DYM: variants seen among roughly 807,000 people sequenced by gnomAD.
DYM encodes the protein dymeclin.
DYM carries 78 observed loss-of-function variants against 93.1 expected under a neutral mutation model. That is an observed-to-expected ratio of 0.84 (90% CI 0.70 to 1.01). The LOEUF (loss-of-function observed/expected upper bound fraction) is 1.01, where lower values mean the gene tolerates loss of function less well. Among genes scored for constraint, DYM ranks in the 50% least tolerant of loss-of-function variants. DYM has a pLI of 0.00. For synonymous variants in DYM, 321 were observed against 319.7 expected, an observed-to-expected ratio of 1.00 and a Z score of -0.04; for missense variants, 789 against 845.0, an observed-to-expected ratio of 0.93 and a Z score of 0.82.
At chr18:49,136,871 T>C (rs1257516187) in intron 15 of DYM, among the ~76,000 whole-genome samples, 2 of 152,252 alleles carry the variant, frequency 1.3e-5, no homozygotes, top group East Asian at 3.9e-4. Context: ...AATCCACTCA[T>C]AATGGTTTGG....
At chr18:49,074,948 C>A (rs1271130710) in intron 17 of DYM, among the ~76,000 whole-genome samples, 1 of 152,118 alleles carries the variant, frequency 6.6e-6, no homozygotes, top group Non-Finnish European at 1.5e-5. Context: ...AATGTTGAGA[C>A]TACTATGGAA....
intron 1 of DYM, among the ~76,000 whole-genome samples, chr18:49,446,268 A>AAGAG (rs538869231): frequency 6.6e-6 from 1 of 151,744 alleles, no homozygotes; most frequent in Non-Finnish European, 1.5e-5. Context: ...CCAAAAGAAA[A>AAGAG]AGAGAGAGAG....
At chr18:49,130,436 G>A (rs548682218) in intron 15 of DYM, among the ~76,000 whole-genome samples, 3 of 152,264 alleles carry the variant, frequency 2.0e-5, no homozygotes, top group Admixed American at 6.5e-5. Flanking sequence ...CACAATGTCC[G>A]GCATTCAGTA....
chr18:49,220,837 A>C (rs1177361234), intron 13 of DYM, among the ~76,000 whole-genome samples: 2 of 152,242 alleles, frequency 1.3e-5, no homozygotes, highest in African/African-American at 4.8e-5. Flanking sequence ...TTCAGGACAT[A>C]GGCATGGGCA....
At chr18:49,406,593 T>C (rs544414165) in intron 2 of DYM, among the ~76,000 whole-genome samples, 146 of 152,260 alleles carry the variant, frequency 9.6e-4, no homozygotes, top group African/African-American at 3.4e-3. Flanking sequence ...AGAAAGTGGC[T>C]ATTACTTTTT....
chr18:49,275,644 A>C (rs754489975), intron 10 of DYM, among the ~76,000 whole-genome samples: 5 of 152,106 alleles, frequency 3.3e-5, no homozygotes, highest in African/African-American at 1.2e-4. Flanking sequence ...TAGGAGGCCA[A>C]TGTGGGAGGA....
chr18:49,203,509 G>C (rs942076481), intron 14 of DYM, among the ~76,000 whole-genome samples: 22 of 148,020 alleles, frequency 1.5e-4, no homozygotes, highest in Non-Finnish European at 2.8e-4. Context: ...TCTGCACTAA[G>C]AAAAATTCCT....
intron 11 of DYM, among the ~76,000 whole-genome samples, chr18:49,269,422 T>C (rs942655007): frequency 5.3e-5 from 8 of 152,092 alleles, no homozygotes; most frequent in African/African-American, 1.4e-4. Context: ...AAATTAAAAA[T>C]AGAACTAGTG....
intron 15 of DYM, among the ~76,000 whole-genome samples, chr18:49,127,649 C>T (rs148952536): frequency 6.6e-6 from 1 of 152,218 alleles, no homozygotes; most frequent in Non-Finnish European, 1.5e-5. Flanking sequence ...AAAGTTAATG[C>T]GCCAATGGCC....
intron 15 of DYM, among the ~76,000 whole-genome samples, chr18:49,138,634 C>T (rs1402541592): frequency 3.9e-5 from 6 of 152,240 alleles, no homozygotes; most frequent in South Asian, 2.1e-4. Context: ...CAGTTATACA[C>T]CACAATATTC....
At chr18:49,349,405 C>G (rs998064429) in intron 6 of DYM, among the ~76,000 whole-genome samples, 1 of 151,950 alleles carries the variant, frequency 6.6e-6, no homozygotes, top group African/African-American at 2.4e-5. Flanking sequence ...GATAGACTGA[C>G]AGATTGAAAA....
chr18:49,189,672 G>A (rs1005228529), intron 14 of DYM, among the ~76,000 whole-genome samples: 36 of 152,090 alleles, frequency 2.4e-4, no homozygotes, highest in African/African-American at 8.0e-4. Flanking sequence ...CAGCTCAAAT[G>A]GATCATCTTT....
At chr18:49,197,481 T>C (rs1368941770) in intron 14 of DYM, among the ~76,000 whole-genome samples, 1 of 152,000 alleles carries the variant, frequency 6.6e-6, no homozygotes, top group Non-Finnish European at 1.5e-5. Context: ...AAATGTGCCT[T>C]CTACTCTCCC....
In DYM at chr18:49,409,300, GA is replaced by G. The variant is rs1164540336; in HGVS notation, c.141-17656del. On this transcript the variant is annotated intron_variant, in intron 2 of 17. Coordinates refer to ENST00000675505, the MANE Select transcript of DYM (RefSeq NM_001353214.3). ...CTCTGTCTCAAAAAAAAAAAAAAAA[GA>G]AAAAAAAGAAAAAAACTTAGCAAAT... Among the ~76,000 whole-genome samples, 11 of 143,324 alleles carry G rather than the reference GA, an allele frequency of 7.7e-5. No homozygotes were observed. The East Asian group carries it at 8.4e-4, about 11-fold the overall frequency. The allele number at this position is 143,324 out of a possible 152,430, so 94.0% of individuals were successfully genotyped here. A position where few individuals can be genotyped will look rare whatever the true frequency, so the allele number is the denominator to read the frequency against.
chr18:49,063,840 G>A (rs1042180800), intron 17 of DYM, among the ~76,000 whole-genome samples: 2 of 151,982 alleles, frequency 1.3e-5, no homozygotes, highest in African/African-American at 4.8e-5. Context: ...TGTTGACCAG[G>A]CTGGTCTTGA....
intron 5 of DYM, among the ~76,000 whole-genome samples, chr18:49,375,209 C>CAT (rs2067382895): frequency 6.7e-6 from 1 of 149,336 alleles, no homozygotes; most frequent in African/African-American, 2.5e-5. Flanking sequence ...CACACACACA[C>CAT]ACACACACAC....
At chr18:49,258,022 T>C (rs1347743618) in intron 12 of DYM, among the ~76,000 whole-genome samples, 1 of 152,212 alleles carries the variant, frequency 6.6e-6, no homozygotes, top group Non-Finnish European at 1.5e-5. Context: ...CTTCTACCTT[T>C]CTTTTTCATT....
chr18:49,041,356 A>G lies in DYM; in HGVS notation c.*2699T>C, dbSNP rs547639632. 8 of 152,376 alleles carry G rather than the reference A, an allele frequency of 5.3e-5. No homozygotes were observed. In the East Asian group the frequency reaches 1.5e-3, roughly 29 times the overall value. 9.4% of individuals were successfully genotyped at this position (152,376 alleles called of 1,614,324 possible). On this transcript the variant is annotated 3_prime_UTR_variant, in exon 18 of 18. Coordinates refer to ENST00000675505, the MANE Select transcript of DYM (RefSeq NM_001353214.3). The stretch of plus-strand genomic sequence containing the variant: ...GCAGTAACAGCTTCAGATCTGGGGT[A>G]AAATCAGATGCCAATTTCCATCTGA...
At chr18:49,447,204 C>T (rs1450733521) in intron 1 of DYM, 1 of 152,170 alleles carries the variant, frequency 6.6e-6, no homozygotes, top group Non-Finnish European at 1.5e-5. Flanking sequence ...GTTCAAGGAC[C>T]TGAAAGAAGT....
Sources: allele counts gnomAD v4.1 joint callset (sites outside exome capture counted in the v4.1 genomes callset), GRCh38; gene constraint gnomAD v4.1.1; transcripts MANE v1.5; gene names NCBI Gene and HGNC (gene_info 2026-07-23, HGNC 2026-07-21).